Variants in ROBO1 observed in about 807,000 individuals in gnomAD.
The protein encoded by ROBO1 is roundabout guidance receptor 1.
A neutral mutation model predicts 195.9 loss-of-function variants in ROBO1; 149 were observed. That is an observed-to-expected ratio of 0.76 (90% CI 0.67 to 0.87). The LOEUF (loss-of-function observed/expected upper bound fraction) is 0.87. Among genes scored for constraint, ROBO1 ranks in the 40% least tolerant of loss-of-function variants. The pLI is 0.00. For synonymous variants in ROBO1, 816 were observed against 733.2 expected, an observed-to-expected ratio of 1.11 and a Z score of -1.82; for missense variants, 1,933 against 2,068.3, an observed-to-expected ratio of 0.93 and a Z score of 1.27.
At chr3:79,550,408 G>T (rs1942467519) in intron 2 of ROBO1, among the ~76,000 whole-genome samples, 1 of 152,036 alleles carries the variant, frequency 6.6e-6, no homozygotes, top group African/African-American at 2.4e-5. Flanking sequence ...TGGTAAGCCA[G>T]GATTACAGAG....
At chr3:79,170,316 T>C (rs2081144378) in intron 2 of ROBO1, among the ~76,000 whole-genome samples, 1 of 152,170 alleles carries the variant, frequency 6.6e-6, no homozygotes, top group Non-Finnish European at 1.5e-5. Flanking sequence ...TCAGAGGCCA[T>C]GGTGTGCTAC....
chr3:79,291,926 A>T (rs759829271), intron 2 of ROBO1, among the ~76,000 whole-genome samples: 1 of 152,214 alleles, frequency 6.6e-6, no homozygotes, highest in African/African-American at 2.4e-5. Flanking sequence ...TGATTTGAGA[A>T]ATTAAGACTA....
At chr3:78,642,129 A>G (rs572973394) in intron 21 of ROBO1, among the ~76,000 whole-genome samples, 2 of 152,134 alleles carry the variant, frequency 1.3e-5, no homozygotes, top group African/African-American at 4.8e-5. Flanking sequence ...AAAAATACAC[A>G]TGGTGGTTAT....
chr3:78,708,520 T>G (rs2081605762), intron 8 of ROBO1, among the ~76,000 whole-genome samples: 1 of 152,180 alleles, frequency 6.6e-6, no homozygotes, highest in Non-Finnish European at 1.5e-5. Flanking sequence ...ATAATATAAT[T>G]TGGCCATCAT....
At chr3:79,149,513 T>TTTG (rs4068910) in intron 2 of ROBO1, among the ~76,000 whole-genome samples, 63,349 of 149,144 alleles carry the variant, frequency 0.42, 15,533 homozygotes, top group Middle Eastern at 0.58. Context: ...TCGAACTGTG[T>TTTG]TTGTTGTTGT....
chr3:78,947,115 A>G lies in ROBO1; in HGVS notation c.173-8188T>C, dbSNP rs548841806. 2.2e-3 allele frequency among the ~76,000 whole-genome samples: 318 copies of G among 147,786 alleles called. 1 individual carries two copies. Among genetic ancestry groups the G allele is most frequent in the African/African-American group, 8.3e-3 (309 of 37,440 alleles). ...CACTATCAACATTAGACAGATCAAC[A>G]AGACAGAAAGTTAACAAGGATACCA... On this transcript the variant is annotated intron_variant, in intron 3 of 30. Transcript: ENST00000464233.
Position 78,661,240 on chromosome 3 carries a change from T to A in ROBO1, c.2110A>T (p.Ile704Leu), listed in dbSNP as rs1427189427. The A allele has an allele frequency of 6.3e-7, 1 of 1,599,706 alleles. No individual in the cohort carries two copies. The highest frequency in any genetic ancestry group is 2.2e-5 in the East Asian group (1 of 44,718). ...CGATAGAGAATTTTATATCCTTGTA[T>A]ATACTGAGACTGTTGATCTACCTAT... ...HWTVDQQSQYIQGYKILYRPS... is the reference protein window; with the variant it reads ...HWTVDQQSQYLQGYKILYRPS... Residue 704 changes from isoleucine (I) to leucine (L), a missense_variant, in exon 16 of 31, where the codon ATA (isoleucine) becomes TTA (leucine). This residue lies in a region of ROBO1 where 1,737 missense variants were observed against 1,882.5 expected (regional missense o/e 0.92). Transcript: ENST00000464233.
chr3:79,153,948 AT>A (rs2080815382), intron 2 of ROBO1, among the ~76,000 whole-genome samples: 1 of 151,622 alleles, frequency 6.6e-6, no homozygotes, highest in African/African-American at 2.4e-5. Flanking sequence ...ATAACCAAGT[AT>A]CTGCTCCTTA....
chr3:79,001,126 TC>T (rs1367947288), intron 3 of ROBO1, among the ~76,000 whole-genome samples: 1 of 150,300 alleles, frequency 6.7e-6, no homozygotes, highest in Non-Finnish European at 1.5e-5. Context: ...TGTCAGGGGG[TC>T]GGGGGAAAGG....
intron 2 of ROBO1, among the ~76,000 whole-genome samples, chr3:79,529,355 G>T (rs1559967441): frequency 6.6e-6 from 1 of 152,062 alleles, no homozygotes; most frequent in Non-Finnish European, 1.5e-5. Context: ...GCCTTTAATG[G>T]TGCATCCCAG....
At position 79,687,291 on chromosome 3, in the gene ROBO1, A is replaced by G. The variant is rs551857614; in HGVS notation, c.-51+80461T>C. On this transcript the variant is annotated intron_variant, in intron 1 of 30. Coordinates refer to ENST00000464233, the MANE Select transcript of ROBO1 (RefSeq NM_002941.4). ...AGAAGAAAACCTAAACCTAAGCATT[A>G]CCATTCAGGACATAGGCATGGGCAA... 5.7e-3 allele frequency among the ~76,000 whole-genome samples: 861 copies of G among 152,126 alleles called. 6 individuals carry two copies. The highest frequency in any genetic ancestry group is 0.018 in the African/African-American group (746 of 41,512).
chr3:79,750,139 A>G (rs975898997), intron 1 of ROBO1, among the ~76,000 whole-genome samples: 1 of 152,234 alleles, frequency 6.6e-6, no homozygotes, highest in Non-Finnish European at 1.5e-5. Context: ...GCATGGAGTC[A>G]AAGGAGATCA....
intron 28 of ROBO1, among the ~76,000 whole-genome samples, chr3:78,608,110 AATTT>A (rs1703574044): frequency 6.6e-6 from 1 of 152,010 alleles, no homozygotes; most frequent in Non-Finnish European, 1.5e-5. Flanking sequence ...TAACTTATAT[AATTT>A]AATTTCTTCC....
chr3:79,415,003 T>G (rs2037938694), intron 2 of ROBO1, among the ~76,000 whole-genome samples: 1 of 152,204 alleles, frequency 6.6e-6, no homozygotes, highest in East Asian at 1.9e-4. Context: ...CACTTGGCTG[T>G]GCAAACTCAC....
intron 2 of ROBO1, among the ~76,000 whole-genome samples, chr3:79,395,488 A>C (rs913729504): frequency 1.9e-4 from 29 of 152,210 alleles, no homozygotes; most frequent in Non-Finnish European, 3.4e-4. Context: ...CAAAATTTAT[A>C]TGTAGAAATT....
intron 2 of ROBO1, among the ~76,000 whole-genome samples, chr3:79,494,968 T>C (rs1939651972): frequency 6.6e-6 from 1 of 152,150 alleles, no homozygotes; most frequent in African/African-American, 2.4e-5. Context: ...CACTTTGTTT[T>C]ACTTTCCTCT....
chr3:79,027,743 T>A (rs371779182), intron 3 of ROBO1, among the ~76,000 whole-genome samples: 3 of 152,208 alleles, frequency 2.0e-5, no homozygotes, highest in East Asian at 3.9e-4. Flanking sequence ...CTTTGTTGAT[T>A]TGATCTAATC....
intron 3 of ROBO1, among the ~76,000 whole-genome samples, chr3:78,987,715 G>A (rs1311381960): frequency 6.6e-6 from 1 of 151,998 alleles, no homozygotes; most frequent in African/African-American, 2.4e-5. Flanking sequence ...GGTGACTATA[G>A]TCAATAAGAA....
At chr3:79,615,832 T>C (rs987676921) in intron 1 of ROBO1, among the ~76,000 whole-genome samples, 2 of 152,186 alleles carry the variant, frequency 1.3e-5, no homozygotes, top group African/African-American at 4.8e-5. Flanking sequence ...TCTCTATGCT[T>C]ACATTTTACC....
Sources: gnomAD v4.1 joint callset for allele counts (sites outside exome capture counted in the v4.1 genomes callset) on GRCh38, gnomAD v4.1.1 for gene constraint, gnomAD v4.1.1 regional missense constraint, MANE v1.5 for transcripts, NCBI Gene and HGNC (gene_info 2026-07-23, HGNC 2026-07-21) for gene names.